TTC28: variants seen among roughly 807,000 people sequenced by gnomAD.
TTC28 encodes the protein tetratricopeptide repeat domain 28, also known as tetratricopeptide repeat protein 28.
In TTC28, 61 loss-of-function variants were observed where a neutral mutation model predicts 198.0. The observed-to-expected ratio is 0.31, with a 90% confidence interval of 0.25 to 0.38. The LOEUF is 0.38. TTC28 is among the 10% of genes least tolerant of loss of function. The pLI is 1.00. For missense variants in TTC28, 2,678 were observed against 3,164.0 expected, an observed-to-expected ratio of 0.85 and a Z score of 3.69; for synonymous variants, 1,171 against 1,297.8, an observed-to-expected ratio of 0.90 and a Z score of 2.10.
intron 12 of TTC28, among the ~76,000 whole-genome samples, chr22:28,072,707 C>T (rs948866196): frequency 6.6e-6 from 1 of 152,164 alleles, no homozygotes; most frequent in African/African-American, 2.4e-5. Context: ...AATATAACTC[C>T]AGGGGATCCC....
chr22:28,165,650 G>A (rs1300262714), intron 5 of TTC28, among the ~76,000 whole-genome samples: 11 of 152,178 alleles, frequency 7.2e-5, no homozygotes, highest in African/African-American at 2.4e-4. Flanking sequence ...TCACCACCAG[G>A]CCTGCCCTAA....
At chr22:28,104,325 C>T (rs570301161) in intron 8 of TTC28, among the ~76,000 whole-genome samples, 2 of 152,294 alleles carry the variant, frequency 1.3e-5, no homozygotes, top group East Asian at 3.9e-4. Flanking sequence ...CTTCTCTGAG[C>T]CTCAGGTGAT....
chr22:28,060,419 C>T (rs1940476163), intron 12 of TTC28, among the ~76,000 whole-genome samples: 1 of 152,226 alleles, frequency 6.6e-6, no homozygotes. Context: ...CTACAAAGGA[C>T]ATGAACTCAT....
chr22:28,339,227 T>C (rs535478111), intron 2 of TTC28, among the ~76,000 whole-genome samples: 46 of 152,242 alleles, frequency 3.0e-4, no homozygotes, highest in South Asian at 6.2e-4. Context: ...ACAGCAAATG[T>C]TGCTCCCTGA....
chr22:28,174,355 T>C (rs1344240204), intron 5 of TTC28, among the ~76,000 whole-genome samples: 2 of 152,178 alleles, frequency 1.3e-5, no homozygotes, highest in Non-Finnish European at 2.9e-5. Flanking sequence ...CCAACCAAGA[T>C]AATACGCACT....
intron 5 of TTC28, among the ~76,000 whole-genome samples, chr22:28,230,229 T>C (rs555418218): frequency 2.0e-5 from 3 of 152,322 alleles, no homozygotes; most frequent in Non-Finnish European, 2.9e-5. Flanking sequence ...AAGTATGTTA[T>C]ATGAGAGATA....
At chr22:28,470,036 G>T (rs575086021) in intron 2 of TTC28, among the ~76,000 whole-genome samples, 3 of 151,884 alleles carry the variant, frequency 2.0e-5, no homozygotes, top group Admixed American at 6.6e-5. Context: ...TACAGATGGG[G>T]TCTTGCTATG....
intron 2 of TTC28, among the ~76,000 whole-genome samples, chr22:28,567,140 G>A (rs940071273): frequency 1.7e-4 from 25 of 151,170 alleles, no homozygotes; most frequent in Admixed American, 9.9e-4. Flanking sequence ...GCTTGAACCC[G>A]GAAGGCAGAG....
Position 28,101,021 on chromosome 22 carries a change from C to T in TTC28, c.3417+150G>A, listed in dbSNP as rs1158556153. 3 of 534,318 alleles carry T rather than the reference C, an allele frequency of 5.6e-6. No individual in the cohort carries two copies. In the African/African-American group the frequency reaches 5.9e-5, roughly 11 times the overall value. The allele number at this position is 534,318 out of a possible 1,614,324, so 33.1% of individuals were successfully genotyped here. On this transcript the variant is annotated intron_variant, in intron 9 of 22. Transcript: ENST00000397906. ...ATCTTTACTAATTGTTCAAATACTT[C>T]TGGGCTAGTACAGGCGGGAAATCAT...
At chr22:28,467,433 C>T (rs906919068) in intron 2 of TTC28, among the ~76,000 whole-genome samples, 2 of 152,124 alleles carry the variant, frequency 1.3e-5, no homozygotes, top group East Asian at 3.9e-4. Context: ...CAAAAAAATA[C>T]ATATACTGAT....
intron 2 of TTC28, among the ~76,000 whole-genome samples, chr22:28,458,768 C>A (rs1199009877): frequency 2.0e-5 from 3 of 151,678 alleles, no homozygotes; most frequent in Non-Finnish European, 2.9e-5. Context: ...GTAGTCCCAG[C>A]TACTCGGGAG....
intron 6 of TTC28, among the ~76,000 whole-genome samples, chr22:28,120,186 A>C (rs1398117734): frequency 6.6e-6 from 1 of 152,160 alleles, no homozygotes; most frequent in Non-Finnish European, 1.5e-5. Flanking sequence ...TGACTCCTAA[A>C]ATAGGCAATT....
chr22:28,649,386 T>A lies in TTC28; in HGVS notation c.103-19556A>T, dbSNP rs573751444. 2.6e-3 allele frequency among the ~76,000 whole-genome samples: 394 copies of A among 152,018 alleles called. 1 individual carries two copies. The highest frequency in any genetic ancestry group is 3.9e-3 in the Non-Finnish European group (267 of 67,954). On this transcript the variant is annotated intron_variant, in intron 1 of 22. Transcript: ENST00000397906. ...GCTATTGAAATAAAATATATATAAA[T>A]AAAATTTTTTAAATAAATTAAAAAT...
intron 7 of TTC28, among the ~76,000 whole-genome samples, chr22:28,106,044 T>C (rs550447021): frequency 6.6e-6 from 1 of 152,312 alleles, no homozygotes; most frequent in African/African-American, 2.4e-5. Flanking sequence ...CAATGGGATA[T>C]ACACCCCAGA....
intron 13 of TTC28, among the ~76,000 whole-genome samples, chr22:28,016,239 A>G (rs1938370763): frequency 6.6e-6 from 1 of 152,228 alleles, no homozygotes; most frequent in African/African-American, 2.4e-5. Flanking sequence ...CTTTGCATTC[A>G]GAGCCAGTGA....
chr22:28,028,148 G>A (rs1026954399), intron 13 of TTC28, among the ~76,000 whole-genome samples: 2 of 152,226 alleles, frequency 1.3e-5, no homozygotes, highest in Admixed American at 1.3e-4. Flanking sequence ...GGGGTTGGAA[G>A]AGTCTGCAGA....
intron 2 of TTC28, among the ~76,000 whole-genome samples, chr22:28,557,491 C>T (rs71327305): frequency 0.049 from 7,395 of 152,310 alleles, 264 homozygotes; most frequent in African/African-American, 0.095. Flanking sequence ...TTTTCATGTA[C>T]AGACATTCTA....
At chr22:28,449,454 C>G (rs1408299040) in intron 2 of TTC28, among the ~76,000 whole-genome samples, 1 of 152,172 alleles carries the variant, frequency 6.6e-6, no homozygotes, top group Non-Finnish European at 1.5e-5. Flanking sequence ...TTTTTTATTT[C>G]ATTCAAATAA....
intron 2 of TTC28, among the ~76,000 whole-genome samples, chr22:28,403,486 A>C (rs1184297607): frequency 6.6e-6 from 1 of 152,130 alleles, no homozygotes; most frequent in Non-Finnish European, 1.5e-5. Flanking sequence ...TCTAAAGTCA[A>C]AGTTTTGCTA....
Sources: gnomAD v4.1 joint callset for allele counts (sites outside exome capture counted in the v4.1 genomes callset) on GRCh38, gnomAD v4.1.1 for gene constraint, MANE v1.5 for transcripts, NCBI Gene and HGNC (gene_info 2026-07-23, HGNC 2026-07-21) for gene names.